The following KSR1 variants were observed in gnomAD, a reference collection of about 807,000 sequenced individuals.
The protein encoded by KSR1 is kinase suppressor of ras 1.
In KSR1, 35 loss-of-function variants were observed where a neutral mutation model predicts 92.9. The ratio of observed to expected loss-of-function variants is 0.38; its 90% CI spans 0.29 to 0.50. KSR1 has a LOEUF of 0.50. Among genes scored for constraint, KSR1 ranks in the 20% least tolerant of loss-of-function variants. KSR1 has a pLI of 0.94. For synonymous variants in KSR1, 467 were observed against 472.6 expected (o/e 0.99, Z 0.15); for missense variants, 972 against 1,158.5 (o/e 0.84, Z 2.34).
At chr17:27,533,732 G>C (rs2070641364) in intron 1 of KSR1, among the ~76,000 whole-genome samples, 2 of 152,164 alleles carry the variant, frequency 1.3e-5, no homozygotes, top group Non-Finnish European at 2.9e-5. Flanking sequence ...TGAATCTATG[G>C]ATGCAGAACC....
At chr17:27,522,924 G>T (rs2070101050) in intron 1 of KSR1, among the ~76,000 whole-genome samples, 1 of 152,116 alleles carries the variant, frequency 6.6e-6, no homozygotes, top group African/African-American at 2.4e-5. Flanking sequence ...CTAGTTCAGG[G>T]TACTAAGAAA....
At chr17:27,549,844 A>T (rs1251016214) in intron 1 of KSR1, among the ~76,000 whole-genome samples, 1 of 152,196 alleles carries the variant, frequency 6.6e-6, no homozygotes, top group South Asian at 2.1e-4. Context: ...ACCTTTGACA[A>T]GATGGAGACT....
chr17:27,505,214 A>G lies in KSR1; in HGVS notation c.232-45354A>G, dbSNP rs966344174. Among the ~76,000 whole-genome samples the G allele has an allele frequency of 5.9e-5, 9 of 152,180 alleles. No homozygotes were observed. In the South Asian group the frequency reaches 1.0e-3, roughly 18 times the overall value. On this transcript the variant is annotated intron_variant, in intron 1 of 20. Transcript: ENST00000644974. ...CTCTGGGAGCTGGCCAGTGAGAGGGAGCTGTTCTCTCACCTCCTGGTTCTG... is the reference window on the plus strand; with the variant it reads ...CTCTGGGAGCTGGCCAGTGAGAGGGGGCTGTTCTCTCACCTCCTGGTTCTG...
rs917050187 is a variant in KSR1 at position 27,559,227 on chromosome 17, G to A, written c.372+8519G>A. Among the ~76,000 whole-genome samples, 2 of 152,214 alleles carry A rather than the reference G, an allele frequency of 1.3e-5. No homozygotes were observed. Among genetic ancestry groups the A allele is most frequent in the Admixed American group, 1.3e-4 (2 of 15,284 alleles). On this transcript the variant is annotated intron_variant, in intron 2 of 20. Coordinates refer to ENST00000644974, the MANE Select transcript of KSR1 (RefSeq NM_001394583.1). This position sits in a 1 kb window ranked among gnomAD's most constrained non-coding sequence, Gnocchi z 4.2. ...GTGTGGCTGAGGTGGCCCTGCGTGG[G>A]TTTCTTTCTGTTCCCACCTGAGTCA...
Position 27,611,476 on chromosome 17 carries a change from A to G in KSR1, c.2358-18A>G. ...CACAGCGGCCCAGGAGCTCACAGACATGGCTGGGTCTCTGCAGGACTGTTT... is the reference window on the plus strand; with the variant it reads ...CACAGCGGCCCAGGAGCTCACAGACGTGGCTGGGTCTCTGCAGGACTGTTT... On this transcript the variant is annotated intron_variant, in intron 17 of 20. Coordinates refer to ENST00000644974, the MANE Select transcript of KSR1 (RefSeq NM_001394583.1). 1 of 1,613,720 alleles carries G rather than the reference A, an allele frequency of 6.2e-7. No individual in the cohort carries two copies. Among genetic ancestry groups the G allele is most frequent in the African/African-American group, 1.3e-5 (1 of 75,036 alleles).
chr17:27,480,645 C>T (rs1371421545), intron 1 of KSR1, among the ~76,000 whole-genome samples: 3 of 152,196 alleles, frequency 2.0e-5, no homozygotes, highest in Admixed American at 6.5e-5. Context: ...GCGATCCACC[C>T]GCTTCGGCCT....
chr17:27,605,487 G>A lies in KSR1; in HGVS notation c.1668G>A (p.Val556=). The change falls in exon 14 of 21, where the codon GTG becomes GTA. Residue 556 remains valine (V), a synonymous_variant. Coordinates refer to ENST00000644974, the MANE Select transcript of KSR1 (RefSeq NM_001394583.1). ...KSEAEDDEDE[V]DDLPSSRRPW... ...AGGCAGAAGACGATGAGGACGAGGT[G>A]GACGACTTGCCGAGCTCTCGCCGGC... The A allele has an allele frequency of 1.2e-6, 2 of 1,608,008 alleles. No homozygotes were observed. The highest frequency in any genetic ancestry group is 3.3e-4 in the Middle Eastern group (2 of 6,054).
At chr17:27,621,336 T>C (rs2074217837) in intron 20 of KSR1, 63 bp downstream of exon 20, 1 of 398,460 alleles carries the variant, frequency 2.5e-6, no homozygotes, top group African/African-American at 2.1e-5. Context: ...CAAGCCCTGC[T>C]TCCTTTCTGT....
intron 2 of KSR1, among the ~76,000 whole-genome samples, chr17:27,558,574 A>T (rs2071699580): frequency 6.6e-6 from 1 of 152,184 alleles, no homozygotes; most frequent in African/African-American, 2.4e-5. Context: ...AACGCCTGGC[A>T]CATGGAGGCC....
At chr17:27,526,070 C>CTCTTTCTTTCTTTCTTTCTTTCTT (rs1555576389) in intron 1 of KSR1, among the ~76,000 whole-genome samples, 30 of 81,402 alleles carry the variant, frequency 3.7e-4, no homozygotes, top group African/African-American at 1.3e-3. Context: ...CTCTTTCTTT[C>CTCTTTCTTTCTTTCTTTCTTTCTT]TCTTTCTTTC....
intron 18 of KSR1, 69 bp downstream of exon 18, chr17:27,611,698 C>T (rs879798295): frequency 3.2e-6 from 5 of 1,583,902 alleles, no homozygotes; most frequent in Non-Finnish European, 4.3e-6. Context: ...CATGGCTGCC[C>T]TTCACTCACC....
intron 7 of KSR1, 126 bp from the exon 8 acceptor site, chr17:27,592,235 G>A: frequency 1.4e-6 from 1 of 733,262 alleles, no homozygotes; most frequent in Non-Finnish European, 2.4e-6. Context: ...CTACTTTCGA[G>A]CTAACATTTG....
intron 1 of KSR1, among the ~76,000 whole-genome samples, chr17:27,474,689 A>G (rs2150929270): frequency 6.6e-6 from 1 of 152,354 alleles, no homozygotes; most frequent in South Asian, 2.1e-4. Context: ...ATTAGCACCC[A>G]TTAGGGACTG....
At chr17:27,515,879 G>A (rs914025675) in intron 1 of KSR1, among the ~76,000 whole-genome samples, 1 of 152,044 alleles carries the variant, frequency 6.6e-6, no homozygotes, top group Non-Finnish European at 1.5e-5. Context: ...ATCTCTTCTG[G>A]CCTATCAGAT....
intron 1 of KSR1, among the ~76,000 whole-genome samples, chr17:27,515,362 C>G (rs73983455): frequency 1.4e-4 from 22 of 152,298 alleles, no homozygotes; most frequent in African/African-American, 5.3e-4. Context: ...GCCTACCATA[C>G]TCATTACTCT....
Position 27,583,004 on chromosome 17 carries a change from C to A in KSR1, c.879C>A (p.Ser293Arg). 6.2e-7 allele frequency: 1 copy of A among 1,610,252 alleles called. No homozygotes were observed. The highest frequency in any genetic ancestry group is 8.5e-7 in the Non-Finnish European group (1 of 1,178,652). ...LKPPRTPPPP[S>R]RKVFQLLPSF... ...CACCACGGACGCCCCCCCCACCCAG[C>A]CGCAAGGTCTTCCAGCTGCTGCCCA... The change falls in exon 4 of 21, where the codon AGC becomes AGA. Residue 293 changes from serine to arginine, a missense_variant. This residue lies in a region of KSR1 where 611 missense variants were observed against 668.0 expected (regional missense o/e 0.91). Transcript: ENST00000644974.
intron 17 of KSR1, 117 bp from the exon 18 acceptor site, chr17:27,611,377 G>T: frequency 7.4e-7 from 1 of 1,355,332 alleles, no homozygotes; most frequent in Non-Finnish European, 1.0e-6. Flanking sequence ...AAGCCAAGTG[G>T]GTGAGGAAGG....
rs114880083 is a variant in KSR1 at position 27,617,049 on chromosome 17, G to A, written c.2494-246G>A. Among the ~76,000 whole-genome samples, 561 of 152,138 alleles carry A rather than the reference G, an allele frequency of 3.7e-3. 7 individuals carry two copies. The highest frequency in any genetic ancestry group is 0.013 in the African/African-American group (522 of 41,492). ...TGTTCATCATGGTTACTCTTATTTT[G>A]GGGTGAGCATGGATCTAAGAAGGAA... On this transcript the variant is annotated intron_variant, in intron 18 of 20. Coordinates refer to ENST00000644974, the MANE Select transcript of KSR1 (RefSeq NM_001394583.1).
At chr17:27,600,090 CTTTTTTTTT>C (rs552526373) in intron 10 of KSR1, among the ~76,000 whole-genome samples, 2 of 115,304 alleles carry the variant, frequency 1.7e-5, no homozygotes, top group African/African-American at 6.5e-5. Context: ...TTACAGATAA[CTTTTTTTTT>C]TTTTTTTTTT....
Sources: allele counts gnomAD v4.1 joint callset (sites outside exome capture counted in the v4.1 genomes callset), GRCh38; gene constraint gnomAD v4.1.1; regional missense constraint gnomAD v4.1.1; non-coding constraint Gnocchi (gnomAD v3.1); transcripts MANE v1.5; gene names NCBI Gene and HGNC (gene_info 2026-07-23, HGNC 2026-07-21).